P4HTM: variants seen among roughly 807,000 people sequenced by gnomAD.
P4HTM encodes prolyl 4-hydroxylase, transmembrane.
A neutral mutation model predicts 55.3 loss-of-function variants in P4HTM; 33 were observed. The ratio of observed to expected loss-of-function variants is 0.60; its 90% CI spans 0.45 to 0.80. P4HTM has a LOEUF of 0.80. P4HTM is among the 30% of genes least tolerant of loss of function. P4HTM has a pLI of 0.00. For missense variants in P4HTM, 542 were observed against 696.5 expected, an observed-to-expected ratio of 0.78 and a Z score of 2.50; for synonymous variants, 272 against 286.4, an observed-to-expected ratio of 0.95 and a Z score of 0.51.
In P4HTM at chr3:48,990,295, C is replaced by G. The variant is rs1437229910; in HGVS notation, c.39C>G (p.Thr13=). 4.5e-6 allele frequency: 6 copies of G among 1,323,978 alleles called. No homozygotes were observed. The highest frequency in any genetic ancestry group is 5.8e-6 in the Non-Finnish European group (6 of 1,042,364). 82.0% of individuals were successfully genotyped at this position (1,323,978 alleles called of 1,614,324 possible). The change falls in exon 1 of 9, where the codon ACC becomes ACG. Residue 13 remains threonine, a synonymous_variant. Transcript: ENST00000383729. The surrounding 1 kb of genome is among the most constrained non-coding windows in gnomAD (Gnocchi z 7.2). Reference sequence around the variant, plus strand: ...CGGTGACAGGCCAGCGGCCTGAGACCGCGGCGGCCGAGGAGGCCTCGAGGC... The same window carrying G: ...CGGTGACAGGCCAGCGGCCTGAGACGGCGGCGGCCGAGGAGGCCTCGAGGC... ...AAAVTGQRPE[T]AAAEEASRPQ...
chr3:48,992,867 G>T (rs1235518303), intron 2 of P4HTM, among the ~76,000 whole-genome samples: 2 of 151,332 alleles, frequency 1.3e-5, no homozygotes, highest in African/African-American at 4.8e-5. Context: ...GGCTTTCACC[G>T]TGTTAGCCAG....
At position 49,002,543 on chromosome 3, in the gene P4HTM, C is replaced by T; in HGVS notation, c.671C>T (p.Pro224Leu). The T allele has an allele frequency of 1.2e-6, 2 of 1,614,132 alleles. No individual in the cohort carries two copies. The highest frequency in any genetic ancestry group is 1.7e-6 in the Non-Finnish European group (2 of 1,180,000). The change falls in exon 4 of 9, where the codon CCA (proline) becomes CTA (leucine). Residue 224 changes from proline (P) to leucine (L), a missense_variant. Pro to Leu is a moderately conservative substitution (Grantham distance 98, BLOSUM62 -3). Around this residue, in one of 2 missense-constraint regions of P4HTM, gnomAD observed 536 missense variants for 672.1 expected, o/e 0.80. Coordinates refer to ENST00000383729, the MANE Select transcript of P4HTM (RefSeq NM_177939.3). This position sits in a 1 kb window ranked among gnomAD's most constrained non-coding sequence, Gnocchi z 4.4. ...CTGGGAAATGGATGGTGGATGACTC[C>T]AGAGAGCATTCAGGAGATGTACGCC... is the stretch of plus-strand genomic sequence containing the variant. ...TRLGNGWWMT[P>L]ESIQEMYAAI...
In P4HTM at chr3:49,006,875, C is replaced by T. The variant is rs780716805; in HGVS notation, c.1477C>T (p.Arg493Trp). 30 of 1,612,616 alleles carry T rather than the reference C, an allele frequency of 1.9e-5. No individual in the cohort carries two copies. The highest frequency in any genetic ancestry group is 2.5e-5 in the Non-Finnish European group (30 of 1,179,698). Residue 493 changes from arginine (R) to tryptophan (W), a missense_variant, in exon 9 of 9, where the codon CGG becomes TGG. Coordinates refer to ENST00000383729, the MANE Select transcript of P4HTM (RefSeq NM_177939.3). ...TDSQPEWALD[R>W]AYRDARVEL ...CTCACAGCCCGAGTGGGCTCTGGAC[C>T]GGGCCTACCGCGATGCGCGCGTGGA...
chr3:49,002,789 C>T lies in P4HTM; in HGVS notation c.724+193C>T, dbSNP rs2092965480. ...GGGAAGTAGGCAGGCAGCCAGGCCC[C>T]CCGTTCCCCTTGGTGATGGTCTCGA... is the stretch of plus-strand genomic sequence containing the variant. On this transcript the variant is annotated intron_variant, in intron 4 of 8. Coordinates refer to ENST00000383729, the MANE Select transcript of P4HTM (RefSeq NM_177939.3). This position sits in a 1 kb window ranked among gnomAD's most constrained non-coding sequence, Gnocchi z 4.4. The T allele has an allele frequency of 1.5e-6, 1 of 683,330 alleles. No individual in the cohort carries two copies. Among genetic ancestry groups the T allele is most frequent in the Admixed American group, 2.0e-5 (1 of 49,036 alleles). The allele number at this position is 683,330 out of a possible 1,614,324, so 42.3% of individuals were successfully genotyped here.
Position 49,001,432 on chromosome 3 carries a change from T to C in P4HTM, c.437-6T>C. The C allele has an allele frequency of 6.2e-7, 1 of 1,613,698 alleles. No individual in the cohort carries two copies. The highest frequency in any genetic ancestry group is 1.3e-5 in the African/African-American group (1 of 75,046). On this transcript the variant is annotated splice_region_variant and splice_polypyrimidine_tract_variant and intron_variant, in intron 2 of 8. Coordinates refer to ENST00000383729, the MANE Select transcript of P4HTM (RefSeq NM_177939.3). The stretch of plus-strand genomic sequence containing the variant: ...CCTTGGCCTCACCCACCTCCTCTTC[T>C]GGCAGAAATCCCCGGCTTCCTGACT...
At chr3:49,003,835 G>C in intron 4 of P4HTM, 1 of 431,994 alleles carries the variant, frequency 2.3e-6, no homozygotes, top group Middle Eastern at 6.4e-4. Flanking sequence ...CACTCTAATA[G>C]GGGGTGGGCC....
chr3:48,996,027 G>T (rs952326803), intron 2 of P4HTM: 4 of 152,180 alleles, frequency 2.6e-5, no homozygotes, highest in African/African-American at 9.7e-5. Context: ...ACTACCAGTG[G>T]CCAGCAAGAG....
At chr3:48,991,775 C>T (rs2092931937) in intron 2 of P4HTM, 2 of 152,228 alleles carry the variant, frequency 1.3e-5, no homozygotes, top group Non-Finnish European at 2.9e-5. Flanking sequence ...GGTGGGGACC[C>T]CTAGTCCCAT....
chr3:49,006,640 G>A, intron 8 of P4HTM, 47 bp from the exon 9 acceptor site: 8 of 1,558,254 alleles, frequency 5.1e-6, no homozygotes, highest in Non-Finnish European at 7.1e-6. Context: ...ATGAGGCCAA[G>A]CTCTGGCCAG....
chr3:49,005,850 A>G lies in P4HTM; in HGVS notation c.1147A>G (p.Arg383Gly). ...GETVFPVADNRTYDEMSLIQD... is the reference protein window; with the variant it reads ...GETVFPVADNGTYDEMSLIQD... ...GACTGTTTTCCCTGTAGCAGATAAC[A>G]GAACCTACGATGAAATGGTAAGGGT... The change falls in exon 7 of 9, where the codon AGA becomes GGA. Residue 383 changes from arginine to glycine, a missense_variant. Coordinates refer to ENST00000383729, the MANE Select transcript of P4HTM (RefSeq NM_177939.3). 6.4e-7 allele frequency: 1 copy of G among 1,553,766 alleles called. No homozygotes were observed. The highest frequency in any genetic ancestry group is 8.7e-7 in the Non-Finnish European group (1 of 1,151,686).
chr3:49,000,410 C>T (rs1314668443), intron 2 of P4HTM, among the ~76,000 whole-genome samples: 1 of 152,140 alleles, frequency 6.6e-6, no homozygotes, highest in African/African-American at 2.4e-5. Context: ...ATAAAAAAAG[C>T]TCCAACCCTG....
chr3:49,004,385 T>C, intron 5 of P4HTM, 125 bp downstream of exon 5: 1 of 1,035,262 alleles, frequency 9.7e-7, no homozygotes, highest in South Asian at 1.7e-5. Context: ...GTTCCATTTG[T>C]TAGACCAGGA....
At chr3:49,005,200 G>A (rs1376246007) in intron 6 of P4HTM, 154 bp downstream of exon 6, 1 of 1,574,816 alleles carries the variant, frequency 6.3e-7, no homozygotes, top group Non-Finnish European at 8.6e-7. Flanking sequence ...CTCCCCACAA[G>A]TTGTTTACCC....
At position 49,004,971 on chromosome 3, in the gene P4HTM, C is replaced by T; in HGVS notation, c.998C>T (p.Pro333Leu). 1 of 1,614,050 alleles carries T rather than the reference C, an allele frequency of 6.2e-7. No homozygotes were observed. The highest frequency in any genetic ancestry group is 8.5e-7 in the Non-Finnish European group (1 of 1,180,018). The change falls in exon 6 of 9, where the codon CCT (proline) becomes CTT (leucine). Residue 333 changes from proline to leucine, a missense_variant. Pro to Leu is a moderately conservative substitution (Grantham distance 98). This residue lies in a region of P4HTM where 536 missense variants were observed against 672.1 expected (regional missense o/e 0.80). Coordinates refer to ENST00000383729, the MANE Select transcript of P4HTM (RefSeq NM_177939.3). ...TACCATGCCCACGTGGACAGTGGGC[C>T]TGTGTACCCAGAGACCATCTGCTCC... ...GHYHAHVDSG[P>L]VYPETICSHT...
In P4HTM at chr3:48,990,494, C is replaced by T. The variant is rs2092927535; in HGVS notation, c.238C>T (p.Leu80Phe). Reference protein sequence around the residue: ...LYLGNVLALLLFVHYSNGDES... With the variant: ...LYLGNVLALLFFVHYSNGDES... ...CCTGGGTAACGTGCTGGCGCTGCTG[C>T]TCTTCGTGCACTACAGCAACGGCGA... Residue 80 changes from leucine (L) to phenylalanine (F), a missense_variant, in exon 1 of 9, where the codon CTC becomes TTC. By Grantham distance (22) the Leu-to-Phe change is conservative. Coordinates refer to ENST00000383729, the MANE Select transcript of P4HTM (RefSeq NM_177939.3). The surrounding 1 kb of genome is among the most constrained non-coding windows in gnomAD (Gnocchi z 7.2). 1 of 1,611,368 alleles carries T rather than the reference C, an allele frequency of 6.2e-7. No homozygotes were observed. The highest frequency in any genetic ancestry group is 1.7e-4 in the Middle Eastern group (1 of 6,058).
intron 2 of P4HTM, among the ~76,000 whole-genome samples, chr3:49,000,337 C>T (rs1242161516): frequency 6.6e-6 from 1 of 152,080 alleles, no homozygotes; most frequent in Non-Finnish European, 1.5e-5. Flanking sequence ...ATAGCTTGAA[C>T]CCAGGAAATT....
chr3:48,999,281 A>T lies in P4HTM; in HGVS notation c.437-2157A>T, dbSNP rs2092954663. 1.3e-5 allele frequency: 2 copies of T among 152,444 alleles called. No homozygotes were observed. The highest frequency in any genetic ancestry group is 4.1e-4 in the South Asian group (2 of 4,836). 9.4% of individuals were successfully genotyped at this position (152,444 alleles called of 1,614,324 possible). On this transcript the variant is annotated intron_variant, in intron 2 of 8. Transcript: ENST00000383729. The surrounding 1 kb of genome is among the most constrained non-coding windows in gnomAD (Gnocchi z 4.8). ...GGCATACAGGGGTAAATAGCAGAGG[A>T]AGAGGCGGGCATCGGGGTGGCACTC... is the stretch of plus-strand genomic sequence containing the variant.
At chr3:49,005,661 T>C in intron 6 of P4HTM, 116 bp from the exon 7 acceptor site, 2 of 1,468,228 alleles carry the variant, frequency 1.4e-6, no homozygotes, top group Non-Finnish European at 1.8e-6. Context: ...TTGTCTCCCA[T>C]CCTAGTCTGT....
chr3:48,999,949 G>A lies in P4HTM; in HGVS notation c.437-1489G>A, dbSNP rs887363416. 2.6e-5 allele frequency among the ~76,000 whole-genome samples: 4 copies of A among 152,168 alleles called. No homozygotes were observed. Among genetic ancestry groups the A allele is most frequent in the African/African-American group, 9.7e-5 (4 of 41,424 alleles). On this transcript the variant is annotated intron_variant, in intron 2 of 8. Transcript: ENST00000383729. The surrounding 1 kb of genome is among the most constrained non-coding windows in gnomAD (Gnocchi z 4.8). Reference sequence around the variant, plus strand: ...CCCTTTCTGGGTTTGCTGGGGTCACGGGATCATGCAGGCCAAGAGTGGGGG... The same window carrying A: ...CCCTTTCTGGGTTTGCTGGGGTCACAGGATCATGCAGGCCAAGAGTGGGGG...
Sources: gnomAD v4.1 joint callset for allele counts (sites outside exome capture counted in the v4.1 genomes callset) on GRCh38, gnomAD v4.1.1 for gene constraint, gnomAD v4.1.1 regional missense constraint, Gnocchi (gnomAD v3.1) non-coding constraint, MANE v1.5 for transcripts, NCBI Gene and HGNC (gene_info 2026-07-23, HGNC 2026-07-21) for gene names.